CACNA2D1: variants seen among roughly 807,000 people sequenced by gnomAD.
The protein encoded by CACNA2D1 is calcium voltage-gated channel auxiliary subunit alpha2delta 1.
A neutral mutation model predicts 171.5 loss-of-function variants in CACNA2D1; 53 were observed. That is an observed-to-expected ratio of 0.31 (90% CI 0.25 to 0.39). CACNA2D1 has a LOEUF of 0.39. Ranked by LOEUF, CACNA2D1 falls within the 10% of genes least tolerant of loss-of-function variation. The probability of loss-of-function intolerance (pLI) is 1.00; values close to 1 mark genes in which losing one functional copy is unlikely to be tolerated. For missense variants in CACNA2D1, 903 were observed against 1,299.8 expected (o/e 0.69, Z 4.69); for synonymous variants, 442 against 443.1 (o/e 1.00, Z 0.03).
At chr7:82,047,916 C>G (rs918361) in intron 10 of CACNA2D1, among the ~76,000 whole-genome samples, 149,367 of 152,218 alleles carry the variant, frequency 0.98, 73,327 homozygotes, top group Non-Finnish European at 1. Flanking sequence ...CTCTCTATCA[C>G]GCAGTATTTG....
At chr7:82,261,895 C>T (rs1807152998) in intron 3 of CACNA2D1, among the ~76,000 whole-genome samples, 1 of 152,122 alleles carries the variant, frequency 6.6e-6, no homozygotes, top group South Asian at 2.1e-4. Context: ...CTGAAGACTA[C>T]AAAGCATGTG....
chr7:82,146,539 T>C (rs886900101), intron 4 of CACNA2D1, among the ~76,000 whole-genome samples: 2 of 146,894 alleles, frequency 1.4e-5, no homozygotes, highest in African/African-American at 5.0e-5. Flanking sequence ...TATATATATC[T>C]TTTACAGGTA....
intron 34 of CACNA2D1, among the ~76,000 whole-genome samples, 180 bp downstream of exon 34, chr7:81,963,876 C>G (rs1236293577): frequency 6.6e-6 from 1 of 151,986 alleles, no homozygotes; most frequent in African/African-American, 2.4e-5. Flanking sequence ...ATAATGGTAA[C>G]TTTATAGTGT....
intron 6 of CACNA2D1, among the ~76,000 whole-genome samples, chr7:82,105,911 G>A (rs1373265330): frequency 6.6e-6 from 1 of 152,080 alleles, no homozygotes; most frequent in Non-Finnish European, 1.5e-5. Flanking sequence ...TTAGAAGACT[G>A]AAACAATATT....
At chr7:81,980,793 T>A (rs1368146742) in intron 24 of CACNA2D1, among the ~76,000 whole-genome samples, 1 of 152,042 alleles carries the variant, frequency 6.6e-6, no homozygotes, top group Non-Finnish European at 1.5e-5. Flanking sequence ...CTGGCAAGAC[T>A]GGTGATTGAT....
chr7:82,115,916 A>G (rs1352324641), intron 6 of CACNA2D1, among the ~76,000 whole-genome samples: 1 of 152,154 alleles, frequency 6.6e-6, no homozygotes, highest in African/African-American at 2.4e-5. Flanking sequence ...ACATTTCAGG[A>G]TACTAATCTT....
chr7:82,359,614 T>C (rs2129447020), intron 1 of CACNA2D1, among the ~76,000 whole-genome samples: 1 of 152,226 alleles, frequency 6.6e-6, no homozygotes, highest in Non-Finnish European at 1.5e-5. Context: ...ATCACCCAAG[T>C]CTGGGCTTCA....
chr7:82,386,355 A>C (rs1192069942), intron 1 of CACNA2D1, among the ~76,000 whole-genome samples: 2 of 152,218 alleles, frequency 1.3e-5, no homozygotes, highest in South Asian at 2.1e-4. Flanking sequence ...TTTGGAATAC[A>C]TTTGCACATG....
chr7:82,140,266 T>C (rs539549653), intron 4 of CACNA2D1, among the ~76,000 whole-genome samples: 4 of 152,318 alleles, frequency 2.6e-5, no homozygotes, highest in Non-Finnish European at 5.9e-5. Context: ...ACGTAGACCT[T>C]AGTGGAATTT....
At chr7:82,421,783 G>T (rs879381991) in intron 1 of CACNA2D1, among the ~76,000 whole-genome samples, 1 of 152,142 alleles carries the variant, frequency 6.6e-6, no homozygotes, top group Non-Finnish European at 1.5e-5. Context: ...CATTGCAAAT[G>T]AGGATGGTCA....
chr7:82,004,935 AT>A (rs1798975842), intron 18 of CACNA2D1, among the ~76,000 whole-genome samples: 1 of 152,146 alleles, frequency 6.6e-6, no homozygotes, highest in African/African-American at 2.4e-5. Context: ...CATCACATGG[AT>A]TTTACTTATA....
At chr7:82,035,953 T>C (rs954144039) in intron 11 of CACNA2D1, among the ~76,000 whole-genome samples, 2 of 152,136 alleles carry the variant, frequency 1.3e-5, no homozygotes, top group African/African-American at 2.4e-5. Context: ...CCCTTGGAAA[T>C]AGCAGGGCTG....
chr7:82,231,761 C>T (rs1388909916), intron 3 of CACNA2D1, among the ~76,000 whole-genome samples: 4 of 151,960 alleles, frequency 2.6e-5, no homozygotes, highest in Non-Finnish European at 5.9e-5. Flanking sequence ...CAAATTCCAC[C>T]ACTGTAGCCC....
intron 3 of CACNA2D1, among the ~76,000 whole-genome samples, chr7:82,320,289 C>T (rs1445497387): frequency 2.6e-5 from 4 of 151,858 alleles, no homozygotes; most frequent in Admixed American, 1.3e-4. Context: ...GTAACTTGGT[C>T]GCTGTCATTT....
chr7:82,122,582 C>G (rs932957393), intron 5 of CACNA2D1, among the ~76,000 whole-genome samples: 2 of 152,132 alleles, frequency 1.3e-5, no homozygotes, highest in Admixed American at 1.3e-4. Context: ...TTTCAAATAT[C>G]CAGCATCAGA....
chr7:81,998,849 ATTC>A (rs1156557343), intron 18 of CACNA2D1, among the ~76,000 whole-genome samples: 1 of 152,134 alleles, frequency 6.6e-6, no homozygotes, highest in East Asian at 1.9e-4. Context: ...AATGTTGAAA[ATTC>A]TTCTAATTTC....
intron 1 of CACNA2D1, among the ~76,000 whole-genome samples, chr7:82,404,029 G>A (rs902082129): frequency 2.0e-4 from 30 of 152,268 alleles, no homozygotes; most frequent in African/African-American, 6.5e-4. Flanking sequence ...AAATGTGAAC[G>A]AAGAAAATCT....
At position 82,053,108 on chromosome 7, in the gene CACNA2D1, C is replaced by T. The variant is rs192282164; in HGVS notation, c.879+7320G>A. 3.7e-4 allele frequency among the ~76,000 whole-genome samples: 56 copies of T among 151,996 alleles called. 1 individual carries two copies. The highest frequency in any genetic ancestry group is 1.3e-3 in the African/African-American group (53 of 41,476). On this transcript the variant is annotated intron_variant, in intron 10 of 38. Transcript: ENST00000356860. ...TCTACTAAAAATACAAAAAAGTAGC[C>T]GGGCGTGGTGGCGGGTGCCTGTATT...
At chr7:82,345,238 G>C (rs1486070014) in intron 2 of CACNA2D1, among the ~76,000 whole-genome samples, 1 of 152,092 alleles carries the variant, frequency 6.6e-6, no homozygotes, top group Non-Finnish European at 1.5e-5. Context: ...CCTTAATTGA[G>C]AGTGTTGAAT....
Sources: gnomAD v4.1 joint callset for allele counts (sites outside exome capture counted in the v4.1 genomes callset) on GRCh38, gnomAD v4.1.1 for gene constraint, MANE v1.5 for transcripts, NCBI Gene and HGNC (gene_info 2026-07-23, HGNC 2026-07-21) for gene names.